The following CAMTA1 variants were observed in gnomAD, a reference collection of about 807,000 sequenced individuals.
The protein encoded by CAMTA1 is calmodulin binding transcription activator 1.
CAMTA1 carries 27 observed loss-of-function variants against 170.9 expected under a neutral mutation model. The observed-to-expected ratio is 0.16, with a 90% CI of 0.12 to 0.22. CAMTA1 has a LOEUF of 0.22. Among genes scored for constraint, CAMTA1 ranks in the 10% least tolerant of loss-of-function variants. CAMTA1 has a pLI of 1.00. For missense variants in CAMTA1, 1,619 were observed against 2,217.2 expected (o/e 0.73, Z 5.42); for synonymous variants, 833 against 891.5 (o/e 0.93, Z 1.17).
intron 3 of CAMTA1, among the ~76,000 whole-genome samples, chr1:6,954,951 G>A (rs936919885): frequency 7.2e-5 from 11 of 152,084 alleles, no homozygotes; most frequent in Admixed American, 4.6e-4. Flanking sequence ...CCAGGTCACC[G>A]TTTCGATTTC....
chr1:7,403,488 A>C (rs2090062369), intron 5 of CAMTA1, among the ~76,000 whole-genome samples: 1 of 152,234 alleles, frequency 6.6e-6, no homozygotes, highest in African/African-American at 2.4e-5. Flanking sequence ...GAGATCAGAG[A>C]GCGGAAAGTA....
chr1:6,989,377 CAG>C (rs1464603682), intron 3 of CAMTA1, among the ~76,000 whole-genome samples: 3 of 152,168 alleles, frequency 2.0e-5, no homozygotes, highest in Admixed American at 1.3e-4. Context: ...TGCGCTCTGC[CAG>C]AGAGAGCCGT....
chr1:7,669,606 C>T (rs1055461518), intron 9 of CAMTA1, among the ~76,000 whole-genome samples: 2 of 152,230 alleles, frequency 1.3e-5, no homozygotes, highest in African/African-American at 2.4e-5. Context: ...CCCCACCTCC[C>T]AGGCTCCAGC....
intron 6 of CAMTA1, among the ~76,000 whole-genome samples, chr1:7,491,759 A>G (rs1478810055): frequency 6.6e-6 from 1 of 152,246 alleles, no homozygotes; most frequent in Non-Finnish European, 1.5e-5. Context: ...AATAATGTTT[A>G]AAAACGAAGT....
At chr1:6,867,418 C>G (rs995824199) in intron 3 of CAMTA1, among the ~76,000 whole-genome samples, 2 of 151,794 alleles carry the variant, frequency 1.3e-5, no homozygotes, top group African/African-American at 4.8e-5. Flanking sequence ...GAAACAGATT[C>G]TCTGAACAGA....
At chr1:7,429,470 T>C (rs1313642891) in intron 5 of CAMTA1, among the ~76,000 whole-genome samples, 2 of 151,934 alleles carry the variant, frequency 1.3e-5, no homozygotes, top group Non-Finnish European at 2.9e-5. Context: ...ATGATGACAG[T>C]GATAATACGG....
At chr1:6,849,323 G>A (rs983962446) in intron 3 of CAMTA1, among the ~76,000 whole-genome samples, 8 of 152,226 alleles carry the variant, frequency 5.3e-5, no homozygotes, top group African/African-American at 1.9e-4. Context: ...TGTAGATTTG[G>A]GACCTAGAGA....
intron 11 of CAMTA1, chr1:7,700,601 C>A (rs1312850771): frequency 6.6e-6 from 1 of 152,218 alleles, no homozygotes; most frequent in Non-Finnish European, 1.5e-5. Flanking sequence ...CACACAGGGG[C>A]CCCGGCTGGC....
At chr1:7,391,884 T>C (rs1195035717) in intron 5 of CAMTA1, among the ~76,000 whole-genome samples, 1 of 152,212 alleles carries the variant, frequency 6.6e-6, no homozygotes. Flanking sequence ...GGTGTGGATA[T>C]ACAGCAATTT....
chr1:7,044,711 A>T lies in CAMTA1; in HGVS notation c.235-46593A>T, dbSNP rs1323477525. Among the ~76,000 whole-genome samples the T allele has an allele frequency of 6.6e-6, 1 of 152,050 alleles. No individual in the cohort carries two copies. The highest frequency in any genetic ancestry group is 1.5e-5 in the Non-Finnish European group (1 of 67,994). ...TCTCTGGGCGACCTTCCGAGGAGGC[A>T]TCAGCTCTTCCCTTGCTTTGGGGAG... is the stretch of plus-strand genomic sequence containing the variant. On this transcript the variant is annotated intron_variant, in intron 3 of 22. Coordinates refer to ENST00000303635, the MANE Select transcript of CAMTA1 (RefSeq NM_015215.4). The surrounding 1 kb of genome is among the most constrained non-coding windows in gnomAD (Gnocchi z 5.0).
chr1:7,553,274 A>G (rs1030103331), intron 6 of CAMTA1, among the ~76,000 whole-genome samples: 1 of 151,666 alleles, frequency 6.6e-6, no homozygotes, highest in Admixed American at 6.6e-5. Context: ...TGAATAATTG[A>G]GTGAGTGAAT....
intron 3 of CAMTA1, among the ~76,000 whole-genome samples, chr1:6,903,705 T>C (rs1176556703): frequency 6.6e-6 from 1 of 152,178 alleles, no homozygotes; most frequent in Non-Finnish European, 1.5e-5. Flanking sequence ...CTGTAGAACC[T>C]CAGTGTTACG....
chr1:7,540,302 C>T lies in CAMTA1; in HGVS notation c.510+72401C>T, dbSNP rs145564543. Among the ~76,000 whole-genome samples, 9 of 152,228 alleles carry T rather than the reference C, an allele frequency of 5.9e-5. No homozygotes were observed. The East Asian group carries it at 1.2e-3, about 20-fold the overall frequency. ...CCAGCCCTGGGGACCCAGGCTGGGGCCCAGCATTAGAACTGGAGTACGGGC... is the reference window on the plus strand; with the variant it reads ...CCAGCCCTGGGGACCCAGGCTGGGGTCCAGCATTAGAACTGGAGTACGGGC... On this transcript the variant is annotated intron_variant, in intron 6 of 22. Transcript: ENST00000303635.
chr1:7,584,228 GGA>G (rs1224827245), intron 6 of CAMTA1, among the ~76,000 whole-genome samples: 2 of 152,078 alleles, frequency 1.3e-5, no homozygotes, highest in African/African-American at 4.8e-5. Flanking sequence ...TTACAGTAGG[GGA>G]GAGAGATCAG....
intron 19 of CAMTA1, chr1:7,750,958 T>G: frequency 1.5e-6 from 1 of 652,414 alleles, no homozygotes; most frequent in Non-Finnish European, 2.8e-6. Context: ...GGGCAAGATA[T>G]TTTGATATTT....
chr1:6,904,235 G>T (rs946992175), intron 3 of CAMTA1, among the ~76,000 whole-genome samples: 1 of 152,056 alleles, frequency 6.6e-6, no homozygotes, highest in African/African-American at 2.4e-5. Context: ...AAATCCCATG[G>T]CCTCTTTTCA....
In CAMTA1 at chr1:7,010,439, C is replaced by CCTTT. The variant is rs1699619862; in HGVS notation, c.235-80863_235-80862insTTCT. ...CTGGTCACTCCCAGGTCATGTCAGT[C>CCTTT]CTGAGGATGCCAGGAGACGCTTTCT... On this transcript the variant is annotated intron_variant, in intron 3 of 22. Coordinates refer to ENST00000303635, the MANE Select transcript of CAMTA1 (RefSeq NM_015215.4). The surrounding 1 kb of genome is among the most constrained non-coding windows in gnomAD (Gnocchi z 4.4). Among the ~76,000 whole-genome samples the CCTTT allele has an allele frequency of 1.3e-5, 2 of 152,212 alleles. No homozygotes were observed. The highest frequency in any genetic ancestry group is 4.8e-5 in the African/African-American group (2 of 41,454).
chr1:7,399,511 T>C (rs1215854536), intron 5 of CAMTA1, among the ~76,000 whole-genome samples: 1 of 152,260 alleles, frequency 6.6e-6, no homozygotes, highest in Non-Finnish European at 1.5e-5. Flanking sequence ...TGAAAAAGTA[T>C]GTATCATCAT....
chr1:7,407,045 C>G (rs953726141), intron 5 of CAMTA1, among the ~76,000 whole-genome samples: 1 of 152,232 alleles, frequency 6.6e-6, no homozygotes, highest in African/African-American at 2.4e-5. Context: ...CACATGCAAC[C>G]TTGCACTTAG....
Sources: allele counts gnomAD v4.1 joint callset (sites outside exome capture counted in the v4.1 genomes callset), GRCh38; gene constraint gnomAD v4.1.1; non-coding constraint Gnocchi (gnomAD v3.1); transcripts MANE v1.5; gene names NCBI Gene and HGNC (gene_info 2026-07-23, HGNC 2026-07-21).